The following GPD2 variants were observed in gnomAD, a reference collection of about 807,000 sequenced individuals.
The protein encoded by GPD2 is glycerol-3-phosphate dehydrogenase 2.
In GPD2, 54 loss-of-function variants were observed where a neutral mutation model predicts 82.4. The observed-to-expected ratio is 0.66, with a 90% CI of 0.53 to 0.82. The LOEUF (loss-of-function observed/expected upper bound fraction) is 0.82. GPD2 is among the 40% of genes least tolerant of loss of function. GPD2 has a pLI of 0.00. For synonymous variants in GPD2, 288 were observed against 306.1 expected (o/e 0.94, Z 0.62); for missense variants, 748 against 896.2 (o/e 0.83, Z 2.11).
intron 1 of GPD2, among the ~76,000 whole-genome samples, chr2:156,463,704 C>A (rs1385856035): frequency 6.6e-6 from 1 of 151,730 alleles, no homozygotes; most frequent in African/African-American, 2.4e-5. Flanking sequence ...TGATGATTTT[C>A]TTTTTTAATT....
chr2:156,405,404 G>C, the GPD2 span, among the ~76,000 whole-genome samples: 1 of 152,142 alleles, frequency 6.6e-6, no homozygotes, highest in Non-Finnish European at 1.5e-5. Context: ...TGGGTGAAAT[G>C]CAAAAATGTG....
chr2:156,512,751 A>T (rs183137351), intron 5 of GPD2, among the ~76,000 whole-genome samples: 415 of 152,332 alleles, frequency 2.7e-3, no homozygotes, highest in South Asian at 0.012. Flanking sequence ...ACCAAGGCTG[A>T]AATTTGGTTA....
At chr2:156,435,375 C>G (rs1235132869), upstream of GPD2, 1 of 152,042 alleles carries the variant, frequency 6.6e-6, no homozygotes, top group Non-Finnish European at 1.5e-5. Context: ...TCCTTAGGTC[C>G]CCTTGGGCTT....
At chr2:156,416,602 A>G in the GPD2 span, among the ~76,000 whole-genome samples, 1 of 150,710 alleles carries the variant, frequency 6.6e-6, no homozygotes, top group Non-Finnish European at 1.5e-5. Context: ...GGCTCAAGCA[A>G]TGCTCCCACC....
the GPD2 span, among the ~76,000 whole-genome samples, chr2:156,418,442 A>G: frequency 3.0e-4 from 45 of 152,250 alleles, no homozygotes; most frequent in African/African-American, 1.0e-3. Context: ...TAATAATAAA[A>G]AAAAGGACCA....
intron 6 of GPD2, among the ~76,000 whole-genome samples, chr2:156,520,425 C>T (rs1002398501): frequency 6.6e-6 from 1 of 152,052 alleles, no homozygotes; most frequent in Non-Finnish European, 1.5e-5. Context: ...TCCTTGTCTT[C>T]CCTAGAAATA....
Position 156,557,587 on chromosome 2 carries a change from C to T in GPD2, c.1165+5C>T. The T allele has an allele frequency of 6.7e-7, 1 of 1,494,154 alleles. No homozygotes were observed. Among genetic ancestry groups the T allele is most frequent in the Non-Finnish European group, 9.3e-7 (1 of 1,070,710 alleles). 92.6% of individuals were successfully genotyped at this position (1,494,154 alleles called of 1,614,324 possible). A position where few individuals can be genotyped will look rare whatever the true frequency, so the allele number is the denominator to read the frequency against. On this transcript the variant is annotated splice_donor_5th_base_variant and intron_variant, in intron 9 of 16. Coordinates refer to ENST00000438166, the MANE Select transcript of GPD2 (RefSeq NM_000408.5). ...ACCTGAGTTGTGATGTTGAAGGTAACTAAGCATTCCTTTAAGTTTGTCTCT... is the reference window on the plus strand; with the variant it reads ...ACCTGAGTTGTGATGTTGAAGGTAATTAAGCATTCCTTTAAGTTTGTCTCT...
chr2:156,459,413 G>A (rs1242051352), intron 1 of GPD2, among the ~76,000 whole-genome samples: 11 of 152,094 alleles, frequency 7.2e-5, no homozygotes, highest in Admixed American at 4.6e-4. Flanking sequence ...TAGGCTGGGC[G>A]CGGTGGCTCA....
At chr2:156,458,153 C>G (rs1406577640) in intron 1 of GPD2, among the ~76,000 whole-genome samples, 1 of 152,154 alleles carries the variant, frequency 6.6e-6, no homozygotes, top group East Asian at 1.9e-4. Flanking sequence ...CAGGCAAGCA[C>G]TAAATTATCA....
intron 9 of GPD2, among the ~76,000 whole-genome samples, chr2:156,559,795 T>G (rs1175024045): frequency 6.6e-6 from 1 of 152,202 alleles, no homozygotes; most frequent in Non-Finnish European, 1.5e-5. Context: ...ACATGGTATT[T>G]GAAAAATAGT....
chr2:156,546,138 G>A (rs1205353645), intron 6 of GPD2, among the ~76,000 whole-genome samples: 1 of 152,230 alleles, frequency 6.6e-6, no homozygotes, highest in Non-Finnish European at 1.5e-5. Context: ...GATTTCAAGT[G>A]CAAAAGAGAA....
the GPD2 span, among the ~76,000 whole-genome samples, chr2:156,429,544 G>A: frequency 2.0e-5 from 3 of 152,092 alleles, no homozygotes; most frequent in African/African-American, 7.2e-5. Context: ...TTACCCTCAG[G>A]CCTTTAAATC....
At chr2:156,474,044 T>C (rs1053976681) in intron 1 of GPD2, among the ~76,000 whole-genome samples, 4 of 152,206 alleles carry the variant, frequency 2.6e-5, no homozygotes, top group Non-Finnish European at 5.9e-5. Context: ...ATTAAAATTT[T>C]TTTTAGAGAC....
intron 6 of GPD2, among the ~76,000 whole-genome samples, chr2:156,522,254 A>G (rs1246960121): frequency 6.6e-6 from 1 of 152,134 alleles, no homozygotes; most frequent in African/African-American, 2.4e-5. Flanking sequence ...ATTCTCTTAT[A>G]ATTTGCTTTT....
At chr2:156,462,152 A>G (rs931785339) in intron 1 of GPD2, among the ~76,000 whole-genome samples, 3 of 152,258 alleles carry the variant, frequency 2.0e-5, no homozygotes, top group East Asian at 1.9e-4. Flanking sequence ...TTTCTAGCAC[A>G]GAAGCAGAGA....
chr2:156,479,920 A>C (rs1034141961), intron 2 of GPD2, among the ~76,000 whole-genome samples: 4 of 152,174 alleles, frequency 2.6e-5, no homozygotes, highest in Non-Finnish European at 5.9e-5. Flanking sequence ...CAAGAGTCTT[A>C]GTACTGCGAT....
At chr2:156,498,209 C>T (rs866173190) in intron 3 of GPD2, among the ~76,000 whole-genome samples, 3 of 152,150 alleles carry the variant, frequency 2.0e-5, no homozygotes, top group East Asian at 1.9e-4. Context: ...GTCTGCATGG[C>T]GATATGCAAG....
chr2:156,557,707 T>G, intron 9 of GPD2, 125 bp downstream of exon 9: 1 of 720,136 alleles, frequency 1.4e-6, no homozygotes, highest in Non-Finnish European at 2.5e-6. Flanking sequence ...TTGTGCCTCT[T>G]AGAACATTTA....
At chr2:156,553,581 C>T (rs1363115024) in intron 8 of GPD2, among the ~76,000 whole-genome samples, 2 of 152,042 alleles carry the variant, frequency 1.3e-5, no homozygotes, top group African/African-American at 4.8e-5. Flanking sequence ...AATTGAAAGC[C>T]TGACTCTTAT....
Sources: gnomAD v4.1 joint callset for allele counts (sites outside exome capture counted in the v4.1 genomes callset) on GRCh38, gnomAD v4.1.1 for gene constraint, MANE v1.5 for transcripts, NCBI Gene and HGNC (gene_info 2026-07-23, HGNC 2026-07-21) for gene names.